Variants in TC2N observed in about 807,000 individuals in gnomAD.
TC2N encodes tandem C2 domains, nuclear, also known as tandem C2 domains nuclear protein.
In TC2N, 51 loss-of-function variants were observed where a neutral mutation model predicts 61.9. The ratio of observed to expected loss-of-function variants is 0.82; its 90% CI spans 0.66 to 1.04. TC2N has a LOEUF of 1.04. Among genes scored for constraint, TC2N ranks in the 50% least tolerant of loss-of-function variants. The probability of loss-of-function intolerance (pLI) is 0.00; values close to 1 mark genes in which losing one functional copy is unlikely to be tolerated. For synonymous variants in TC2N, 204 were observed against 192.6 expected, an observed-to-expected ratio of 1.06 and a Z score of -0.49; for missense variants, 556 against 566.7, an observed-to-expected ratio of 0.98 and a Z score of 0.19.
chr14:91,864,570 G>A (rs1451970479), intron 1 of TC2N, among the ~76,000 whole-genome samples: 1 of 152,144 alleles, frequency 6.6e-6, no homozygotes, highest in East Asian at 1.9e-4. Context: ...TTCATTCTGA[G>A]TAGAAGGTTG....
intron 1 of TC2N, among the ~76,000 whole-genome samples, chr14:91,838,871 C>A (rs2139907595): frequency 6.6e-6 from 1 of 152,356 alleles, no homozygotes; most frequent in Admixed American, 6.5e-5. Flanking sequence ...TGAGGCAAGG[C>A]TACTTGAATG....
intron 1 of TC2N, among the ~76,000 whole-genome samples, chr14:91,862,995 A>C (rs1394273131): frequency 1.1e-4 from 17 of 152,226 alleles, no homozygotes; most frequent in Admixed American, 9.8e-4. Flanking sequence ...GTAGATGATG[A>C]TTTTAATAGT....
rs181210717 is a variant in TC2N at position 91,790,040 on chromosome 14, A to C, written c.1047+2327T>G. ...CCTCCATTCAAATCCTGACTCCCCA[A>C]CTACTGGCTGTATAACCTCAGGCAA... On this transcript the variant is annotated intron_variant, in intron 9 of 11. Transcript: ENST00000435962. 4.2e-3 allele frequency among the ~76,000 whole-genome samples: 646 copies of C among 152,292 alleles called. 3 individuals carry two copies. The highest frequency in any genetic ancestry group is 6.8e-3 in the Middle Eastern group (2 of 294).
chr14:91,790,703 A>C (rs2139827741), intron 9 of TC2N, among the ~76,000 whole-genome samples: 1 of 152,350 alleles, frequency 6.6e-6, no homozygotes, highest in South Asian at 2.1e-4. Context: ...TATATGAATT[A>C]TCTATTTGAA....
At chr14:91,847,050 G>A (rs1229859177) in intron 1 of TC2N, among the ~76,000 whole-genome samples, 5 of 152,190 alleles carry the variant, frequency 3.3e-5, no homozygotes, top group Non-Finnish European at 1.5e-5. Context: ...CTGAGGTCAG[G>A]AGTTCAAGAC....
intron 1 of TC2N, among the ~76,000 whole-genome samples, chr14:91,852,427 G>A (rs1485196330): frequency 2.0e-5 from 3 of 151,348 alleles, no homozygotes; most frequent in East Asian, 1.9e-4. Flanking sequence ...GTGAAACTCC[G>A]TCTAAAAAAA....
chr14:91,787,955 TAC>T (rs977190129), intron 9 of TC2N, among the ~76,000 whole-genome samples: 1 of 151,994 alleles, frequency 6.6e-6, no homozygotes, highest in Non-Finnish European at 1.5e-5. Flanking sequence ...ACAAAAGGAA[TAC>T]ACTTTCAAAA....
In TC2N at chr14:91,812,107, TA is replaced by T. The variant is rs1162796885; in HGVS notation, c.301+204del. ...TTATTTCTTGAAAAAAGGCCAATTC[TA>T]CATACAAATTATTGTATTATGATCA... On this transcript the variant is annotated intron_variant, in intron 3 of 11. Transcript: ENST00000435962. 17 of 280,562 alleles carry T rather than the reference TA, an allele frequency of 6.1e-5. No homozygotes were observed. In the East Asian group the frequency reaches 1.1e-3, roughly 18 times the overall value. The allele number at this position is 280,562 out of a possible 1,614,324, so 17.4% of individuals were successfully genotyped here.
chr14:91,825,127 C>T (rs540260895), intron 1 of TC2N, among the ~76,000 whole-genome samples: 26 of 147,452 alleles, frequency 1.8e-4, no homozygotes, highest in Middle Eastern at 7.1e-3. Context: ...CCTCCGCCTC[C>T]GGATTCAAGC....
chr14:91,799,212 G>GAA, intron 5 of TC2N, 148 bp from the exon 6 acceptor site: 1 of 398,284 alleles, frequency 2.5e-6, no homozygotes, highest in Non-Finnish European at 4.3e-6. Context: ...TACAGGTAGT[G>GAA]GAAAAAAAAA....
intron 4 of TC2N, among the ~76,000 whole-genome samples, chr14:91,800,943 TA>T (rs1886203051): frequency 6.6e-6 from 1 of 150,504 alleles, no homozygotes; most frequent in Non-Finnish European, 1.5e-5. Context: ...TTGAGAGAGA[TA>T]TATATATATA....
chr14:91,840,184 C>A (rs1485957084), intron 1 of TC2N, among the ~76,000 whole-genome samples: 2 of 152,132 alleles, frequency 1.3e-5, no homozygotes, highest in African/African-American at 4.8e-5. Context: ...TCTCCACTGC[C>A]CACTAACTTT....
chr14:91,813,651 A>T, intron 2 of TC2N, 52 bp downstream of exon 2: 1 of 1,310,254 alleles, frequency 7.6e-7, no homozygotes, highest in Non-Finnish European at 1.1e-6. Flanking sequence ...ACAAAATGCC[A>T]CAAATGAAGA....
At chr14:91,831,968 T>C (rs1887790383) in intron 1 of TC2N, among the ~76,000 whole-genome samples, 1 of 152,072 alleles carries the variant, frequency 6.6e-6, no homozygotes, top group South Asian at 2.1e-4. Flanking sequence ...ATATAAAACG[T>C]GTTAATCAAA....
intron 5 of TC2N, among the ~76,000 whole-genome samples, chr14:91,799,917 A>G (rs182033278): frequency 9.6e-4 from 146 of 152,258 alleles, no homozygotes; most frequent in Admixed American, 5.4e-3. Flanking sequence ...CAGTGAATAA[A>G]GTCCTACATC....
At chr14:91,838,961 G>A (rs950813630) in intron 1 of TC2N, among the ~76,000 whole-genome samples, 3 of 152,090 alleles carry the variant, frequency 2.0e-5, no homozygotes, top group Admixed American at 1.3e-4. Flanking sequence ...TACTATGAAC[G>A]GGTTTTTGTT....
intron 9 of TC2N, among the ~76,000 whole-genome samples, chr14:91,790,660 C>T (rs907824977): frequency 6.6e-6 from 1 of 152,148 alleles, no homozygotes; most frequent in South Asian, 2.1e-4. Flanking sequence ...TCCCTGAGTT[C>T]TCTTCTTATA....
At position 91,796,968 on chromosome 14, in the gene TC2N, T is replaced by C. The variant is rs879306250; in HGVS notation, c.855+817A>G. Among the ~76,000 whole-genome samples, 3 of 6,384 alleles carry C rather than the reference T, an allele frequency of 4.7e-4. No homozygotes were observed. The Non-Finnish European group carries it at 5.8e-3, about 12-fold the overall frequency. 4.2% of individuals were successfully genotyped at this position (6,384 alleles called of 152,430 possible). Reference sequence around the variant, plus strand: ...ACAAAACTTCCAAGAGTATTTTATATATTTTTGTATTTTAGATTATTTCCA... The same window carrying C: ...ACAAAACTTCCAAGAGTATTTTATACATTTTTGTATTTTAGATTATTTCCA... On this transcript the variant is annotated intron_variant, in intron 8 of 11. Transcript: ENST00000435962.
intron 1 of TC2N, among the ~76,000 whole-genome samples, chr14:91,817,859 T>C (rs1887073482): frequency 6.6e-6 from 1 of 152,070 alleles, no homozygotes; most frequent in African/African-American, 2.4e-5. Context: ...CTAATTAAAA[T>C]GAACACCCAG....
Sources: allele counts gnomAD v4.1 joint callset (sites outside exome capture counted in the v4.1 genomes callset), GRCh38; gene constraint gnomAD v4.1.1; transcripts MANE v1.5; gene names NCBI Gene and HGNC (gene_info 2026-07-23, HGNC 2026-07-21).